Variants in LRCH1 observed in about 807,000 individuals in gnomAD.
The protein encoded by LRCH1 is leucine rich repeats and calponin homology domain containing 1, also known as leucine-rich repeat and calponin homology domain-containing protein 1.
Under a neutral mutation model 94.9 loss-of-function variants are expected in LRCH1, and 23 were observed. The observed-to-expected ratio is 0.24, with a 90% CI of 0.17 to 0.34. The LOEUF (loss-of-function observed/expected upper bound fraction) is 0.34, where lower values mean the gene tolerates loss of function less well. LRCH1 is among the 10% of genes least tolerant of loss of function. The pLI, the probability that LRCH1 is intolerant of heterozygous loss-of-function variation, is 1.00. For synonymous variants in LRCH1, 364 were observed against 354.9 expected (o/e 1.03, Z -0.29); for missense variants, 790 against 945.9 (o/e 0.84, Z 2.16).
In LRCH1 at chr13:46,742,957, T is replaced by C; in HGVS notation, c.*1109T>C. 2 of 985,436 alleles carry C rather than the reference T, an allele frequency of 2.0e-6. No individual in the cohort carries two copies. Among genetic ancestry groups the C allele is most frequent in the Non-Finnish European group, 2.4e-6 (2 of 829,904 alleles). 61.0% of individuals were successfully genotyped at this position (985,436 alleles called of 1,614,324 possible). ...CAAAGGATTATATAGTAACTATATC[T>C]GCATTTGGAGCAATGTGATCAGTTT... On this transcript the variant is annotated 3_prime_UTR_variant, in exon 20 of 20. Coordinates refer to ENST00000389797, the MANE Select transcript of LRCH1 (RefSeq NM_001164211.2).
At chr13:46,699,227 C>A in intron 9 of LRCH1, 109 bp from the exon 10 acceptor site, 1 of 813,354 alleles carries the variant, frequency 1.2e-6, no homozygotes, top group Non-Finnish European at 2.1e-6. Context: ...TTGTTTCCAG[C>A]TTTTGGCTAT....
intron 1 of LRCH1, among the ~76,000 whole-genome samples, chr13:46,624,861 A>T (rs1488665024): frequency 2.6e-5 from 4 of 152,266 alleles, no homozygotes; most frequent in Non-Finnish European, 5.9e-5. Flanking sequence ...TGTTACAATA[A>T]CATTTACTTG....
At chr13:46,727,519 T>C (rs1040682848) in intron 17 of LRCH1, among the ~76,000 whole-genome samples, 4 of 152,240 alleles carry the variant, frequency 2.6e-5, no homozygotes, top group Non-Finnish European at 4.4e-5. Context: ...TTTTCTTTTT[T>C]TGAGACGGAG....
chr13:46,590,946 C>A (rs1486361659), intron 1 of LRCH1, among the ~76,000 whole-genome samples: 2 of 151,688 alleles, frequency 1.3e-5, no homozygotes, highest in Non-Finnish European at 2.9e-5. Context: ...TGTTTCTTCT[C>A]TGAACTTTAT....
chr13:46,573,547 A>C (rs1281617187), intron 1 of LRCH1, among the ~76,000 whole-genome samples: 1 of 152,190 alleles, frequency 6.6e-6, no homozygotes, highest in South Asian at 2.1e-4. Context: ...CTATTCAGCC[A>C]TAAAAAGAAT....
chr13:46,612,010 A>G (rs911396999), intron 1 of LRCH1, among the ~76,000 whole-genome samples: 2 of 152,252 alleles, frequency 1.3e-5, no homozygotes, highest in Non-Finnish European at 2.9e-5. Flanking sequence ...TTAAAAAACA[A>G]CATGGCAAAT....
At chr13:46,714,919 A>C (rs1188869037) in intron 15 of LRCH1, among the ~76,000 whole-genome samples, 1 of 152,190 alleles carries the variant, frequency 6.6e-6, no homozygotes, top group Non-Finnish European at 1.5e-5. Context: ...TTAACTGAGC[A>C]ATATTGAAAA....
chr13:46,598,548 C>G (rs2050590347), intron 1 of LRCH1, among the ~76,000 whole-genome samples: 1 of 147,756 alleles, frequency 6.8e-6, no homozygotes, highest in Admixed American at 6.9e-5. Flanking sequence ...AGTTGTCCAT[C>G]TTTCTATACT....
intron 1 of LRCH1, among the ~76,000 whole-genome samples, chr13:46,588,640 A>C (rs1594266260): frequency 1.6e-5 from 2 of 122,210 alleles, no homozygotes; most frequent in African/African-American, 3.2e-5. Context: ...TCGCTCTGTC[A>C]CCCAGGCTGG....
downstream of LRCH1, among the ~76,000 whole-genome samples, chr13:46,748,551 G>A (rs1874000007): frequency 2.6e-5 from 4 of 152,150 alleles, no homozygotes; most frequent in Non-Finnish European, 2.9e-5. Context: ...AGATGGTGCC[G>A]GGGAGGCTGG....
chr13:46,646,042 A>C (rs1030896681), intron 1 of LRCH1, among the ~76,000 whole-genome samples: 4 of 152,224 alleles, frequency 2.6e-5, no homozygotes, highest in African/African-American at 9.6e-5. Context: ...GTAGCACATC[A>C]AGACCACTAT....
At chr13:46,718,669 G>GTGCCTAAT (rs1281379652) in intron 16 of LRCH1, among the ~76,000 whole-genome samples, 1 of 152,160 alleles carries the variant, frequency 6.6e-6, no homozygotes, top group Non-Finnish European at 1.5e-5. Flanking sequence ...GCACCAGAAG[G>GTGCCTAAT]GAATGAATGA....
At chr13:46,736,116 C>CTGTGTG (rs1330584293) in intron 19 of LRCH1, among the ~76,000 whole-genome samples, 1 of 38,630 alleles carries the variant, frequency 2.6e-5, no homozygotes, top group South Asian at 1.1e-3. Context: ...TTCAAATTTG[C>CTGTGTG]TCTGTGTGTG....
chr13:46,739,711 G>C (rs538367921), intron 19 of LRCH1, among the ~76,000 whole-genome samples: 1 of 152,318 alleles, frequency 6.6e-6, no homozygotes, highest in Non-Finnish European at 1.5e-5. Flanking sequence ...TTGCCTACTA[G>C]ACAGTCTTAG....
At chr13:46,600,925 T>C (rs2137982138) in intron 1 of LRCH1, among the ~76,000 whole-genome samples, 1 of 152,384 alleles carries the variant, frequency 6.6e-6, no homozygotes, top group East Asian at 1.9e-4. Context: ...AAAGTCATGT[T>C]AGCTCTGGTT....
intron 1 of LRCH1, among the ~76,000 whole-genome samples, chr13:46,567,110 A>G (rs1725848634): frequency 6.6e-6 from 1 of 152,064 alleles, no homozygotes; most frequent in Admixed American, 6.5e-5. Context: ...TAAACAGTTT[A>G]CTGATATTTA....
chr13:46,590,553 C>T (rs1327298215), intron 1 of LRCH1, among the ~76,000 whole-genome samples: 1 of 152,058 alleles, frequency 6.6e-6, no homozygotes, highest in African/African-American at 2.4e-5. Context: ...TAATCTCAGC[C>T]CTTTAGGAGG....
At chr13:46,689,444 TCTC>T (rs1176450217) in intron 7 of LRCH1, among the ~76,000 whole-genome samples, 5 of 152,250 alleles carry the variant, frequency 3.3e-5, no homozygotes, top group Admixed American at 6.5e-5. Flanking sequence ...GTCTGTATCT[TCTC>T]CTCTCCTACA....
chr13:46,726,037 T>C (rs1295918279), intron 17 of LRCH1, among the ~76,000 whole-genome samples: 1 of 152,204 alleles, frequency 6.6e-6, no homozygotes, highest in Non-Finnish European at 1.5e-5. Context: ...ATAACACTAT[T>C]ATATGCAGTG....
Sources: gnomAD v4.1 joint callset for allele counts (sites outside exome capture counted in the v4.1 genomes callset) on GRCh38, gnomAD v4.1.1 for gene constraint, MANE v1.5 for transcripts, NCBI Gene and HGNC (gene_info 2026-07-23, HGNC 2026-07-21) for gene names.